Variants in LIN9 observed in about 807,000 individuals in gnomAD.
LIN9 encodes the protein lin-9 DREAM MuvB core complex component, also known as protein lin-9 homolog.
In LIN9, 18 loss-of-function variants were observed where a neutral mutation model predicts 78.0. The observed-to-expected ratio is 0.23, with a 90% CI of 0.16 to 0.34. The LOEUF is 0.34. LIN9 is among the 10% of genes least tolerant of loss of function. LIN9 has a pLI of 1.00. For synonymous variants in LIN9, 192 were observed against 215.2 expected (o/e 0.89, Z 0.94); for missense variants, 451 against 644.1 (o/e 0.70, Z 3.25).
intron 4 of LIN9, among the ~76,000 whole-genome samples, chr1:226,295,482 A>AT (rs1662089045): frequency 6.6e-6 from 1 of 150,752 alleles, no homozygotes; most frequent in Non-Finnish European, 1.5e-5. Flanking sequence ...ATATATATAT[A>AT]TATTTTTTTC....
intron 10 of LIN9, among the ~76,000 whole-genome samples, chr1:226,262,932 G>A (rs187492962): frequency 1.5e-4 from 23 of 152,168 alleles, no homozygotes; most frequent in African/African-American, 4.8e-4. Context: ...GGTACATCCC[G>A]ACAATGTAAT....
At chr1:226,294,368 G>A (rs1043433352) in intron 4 of LIN9, among the ~76,000 whole-genome samples, 2 of 151,728 alleles carry the variant, frequency 1.3e-5, no homozygotes, top group Admixed American at 6.6e-5. Context: ...ATCACCTGAG[G>A]TCAGGAGTTC....
intron 11 of LIN9, among the ~76,000 whole-genome samples, chr1:226,241,171 C>T (rs1658081962): frequency 6.6e-6 from 1 of 152,132 alleles, no homozygotes; most frequent in Non-Finnish European, 1.5e-5. Flanking sequence ...GCTTCCTATT[C>T]GTAAACCTCA....
chr1:226,238,246 C>G (rs1186281158), intron 12 of LIN9, among the ~76,000 whole-genome samples: 1 of 152,064 alleles, frequency 6.6e-6, no homozygotes, highest in Non-Finnish European at 1.5e-5. Context: ...GTATGGCCAG[C>G]ATGATCAGAA....
intron 6 of LIN9, among the ~76,000 whole-genome samples, chr1:226,278,138 C>T (rs186826408): frequency 1.6e-4 from 24 of 151,468 alleles, no homozygotes; most frequent in African/African-American, 4.1e-4. Flanking sequence ...AGATTAAAAA[C>T]TTAAAATCAG....
At chr1:226,252,510 G>A (rs1334370506) in intron 10 of LIN9, among the ~76,000 whole-genome samples, 1 of 152,066 alleles carries the variant, frequency 6.6e-6, no homozygotes, top group African/African-American at 2.4e-5. Context: ...TCGAGACTGT[G>A]GGAGACTGTA....
At chr1:226,238,853 C>T in intron 12 of LIN9, 118 bp downstream of exon 12, 3 of 928,524 alleles carry the variant, frequency 3.2e-6, no homozygotes, top group Non-Finnish European at 4.8e-6. Context: ...TTATATAATA[C>T]AGTTCTGCTA....
At chr1:226,278,685 G>A (rs1171061518) in intron 6 of LIN9, among the ~76,000 whole-genome samples, 3 of 151,498 alleles carry the variant, frequency 2.0e-5, no homozygotes, top group South Asian at 2.1e-4. Flanking sequence ...TTAGACAGGC[G>A]TGGTGGCAGG....
At chr1:226,272,299 G>A (rs1220074169) in intron 7 of LIN9, among the ~76,000 whole-genome samples, 1 of 151,096 alleles carries the variant, frequency 6.6e-6, no homozygotes, top group Admixed American at 6.6e-5. Context: ...CAAGTGATCT[G>A]CCTGCCTCGG....
chr1:226,303,598 GTTTTC>G (rs1436304143), intron 1 of LIN9, among the ~76,000 whole-genome samples: 4 of 151,628 alleles, frequency 2.6e-5, no homozygotes, highest in East Asian at 3.9e-4. Context: ...TTTCTTTTTC[GTTTTC>G]TTTTTTCTTT....
intron 1 of LIN9, 113 bp downstream of exon 1, chr1:226,308,996 C>CT: frequency 9.2e-7 from 1 of 1,089,472 alleles, no homozygotes; most frequent in Admixed American, 3.6e-5. Flanking sequence ...CACAGTGGGG[C>CT]TGGCAGTCAG....
chr1:226,302,310 G>A (rs1193821531), intron 1 of LIN9, among the ~76,000 whole-genome samples: 2 of 152,126 alleles, frequency 1.3e-5, no homozygotes, highest in African/African-American at 4.8e-5. Flanking sequence ...TTGGGAGGCC[G>A]AGGTGGGCGG....
At position 226,304,729 on chromosome 1, in the gene LIN9, A is replaced by G. The variant is rs149445174; in HGVS notation, c.32-3524T>C. Among the ~76,000 whole-genome samples, 381 of 152,294 alleles carry G rather than the reference A, an allele frequency of 2.5e-3. 4 individuals are homozygous for G. The highest frequency in any genetic ancestry group is 1.9e-3 in the Non-Finnish European group (132 of 68,028). ...GGAGGAGGGGTGACTGTGCTTGCAT[A>G]GGGAAGAATGGTATGAAAGGGCAGA... is the stretch of plus-strand genomic sequence containing the variant. On this transcript the variant is annotated intron_variant, in intron 1 of 14. Transcript: ENST00000681046.
chr1:226,283,919 G>A (rs1661233966), intron 6 of LIN9, among the ~76,000 whole-genome samples: 1 of 151,972 alleles, frequency 6.6e-6, no homozygotes, highest in Non-Finnish European at 1.5e-5. Context: ...GTCAGCCTGG[G>A]TGACAGAGCA....
At chr1:226,273,851 T>TC (rs34654341) in intron 7 of LIN9, among the ~76,000 whole-genome samples, 5 of 151,424 alleles carry the variant, frequency 3.3e-5, no homozygotes, top group African/African-American at 1.2e-4. Flanking sequence ...TTTTTTTTTT[T>TC]CTTTGAGACG....
At chr1:226,261,249 A>T (rs1659568117) in intron 10 of LIN9, among the ~76,000 whole-genome samples, 1 of 152,164 alleles carries the variant, frequency 6.6e-6, no homozygotes, top group African/African-American at 2.4e-5. Flanking sequence ...GTCCTCTCTT[A>T]TCACTCTTTT....
Position 226,239,005 on chromosome 1 carries a change from T to G in LIN9, c.1211A>C (p.Lys404Thr). ...ELEQLNKDLN[K>T]VLHKVQQYCY... ...ATACTGTTGAACTTTATGCAAAACT[T>G]TGTTTAGGTCCTTGTTCAGCTGTTC... Residue 404 changes from lysine to threonine, a missense_variant, in exon 12 of 15, where the codon AAA becomes ACA. Transcript: ENST00000681046. 5 of 1,613,824 alleles carry G rather than the reference T, an allele frequency of 3.1e-6. No homozygotes were observed. The highest frequency in any genetic ancestry group is 4.2e-6 in the Non-Finnish European group (5 of 1,179,876).
At chr1:226,296,486 A>G (rs1259106327) in intron 3 of LIN9, among the ~76,000 whole-genome samples, 1 of 152,246 alleles carries the variant, frequency 6.6e-6, no homozygotes, top group Non-Finnish European at 1.5e-5. Context: ...ATAGAACTAA[A>G]AAAGTTGTTT....
intron 6 of LIN9, 67 bp from the exon 7 acceptor site, chr1:226,277,999 TTTTC>T: frequency 1.5e-6 from 2 of 1,372,632 alleles, no homozygotes; most frequent in Admixed American, 2.2e-5. Flanking sequence ...AATCTTTTTT[TTTTC>T]TTTTTTTGAG....
Sources: gnomAD v4.1 joint callset for allele counts (sites outside exome capture counted in the v4.1 genomes callset) on GRCh38, gnomAD v4.1.1 for gene constraint, MANE v1.5 for transcripts, NCBI Gene and HGNC (gene_info 2026-07-23, HGNC 2026-07-21) for gene names.